AFF3: variants seen among roughly 807,000 people sequenced by gnomAD.
AFF3 encodes the protein ALF transcription elongation factor 3.
Under a neutral mutation model 129.7 loss-of-function variants are expected in AFF3, and 32 were observed. The ratio of observed to expected loss-of-function variants is 0.25; its 90% CI spans 0.19 to 0.33. AFF3 has a LOEUF of 0.33. AFF3 is among the 10% of genes least tolerant of loss of function. AFF3 has a pLI of 1.00. For missense variants in AFF3, 1,373 were observed against 1,592.0 expected, an observed-to-expected ratio of 0.86 and a Z score of 2.34; for synonymous variants, 644 against 635.4, an observed-to-expected ratio of 1.01 and a Z score of -0.20.
intron 10 of AFF3, among the ~76,000 whole-genome samples, chr2:99,737,151 T>C (rs1406957385): frequency 6.6e-6 from 1 of 152,172 alleles, no homozygotes; most frequent in Non-Finnish European, 1.5e-5. Flanking sequence ...TTTATCCTTC[T>C]CCAAAATAAT....
At chr2:100,106,423 G>T in intron 2 of AFF3, 1 of 1,021,446 alleles carries the variant, frequency 9.8e-7, no homozygotes, top group Non-Finnish European at 1.2e-6. Flanking sequence ...AATGCACAGT[G>T]TATTTGGAAA....
At chr2:99,802,505 T>C (rs1686017985) in intron 8 of AFF3, among the ~76,000 whole-genome samples, 1 of 151,876 alleles carries the variant, frequency 6.6e-6, no homozygotes, top group Non-Finnish European at 1.5e-5. Flanking sequence ...TACAAAAAAT[T>C]TTGAAAACTT....
intron 8 of AFF3, among the ~76,000 whole-genome samples, chr2:99,795,509 T>C (rs1558858725): frequency 6.6e-6 from 1 of 151,936 alleles, no homozygotes; most frequent in Non-Finnish European, 1.5e-5. Flanking sequence ...CACAATATAC[T>C]CCCATAACAA....
At chr2:100,055,822 C>G (rs1015916952) in intron 4 of AFF3, among the ~76,000 whole-genome samples, 1 of 152,080 alleles carries the variant, frequency 6.6e-6, no homozygotes, top group African/African-American at 2.4e-5. Context: ...AGCAACAGGC[C>G]ATTTTGCCCC....
At chr2:99,795,456 T>C (rs745564968) in intron 8 of AFF3, among the ~76,000 whole-genome samples, 3 of 152,068 alleles carry the variant, frequency 2.0e-5, no homozygotes, top group Non-Finnish European at 4.4e-5. Flanking sequence ...TAATCTACAT[T>C]ATTCAGATGG....
At chr2:99,651,320 G>A (rs1193100417) in intron 12 of AFF3, among the ~76,000 whole-genome samples, 1 of 152,146 alleles carries the variant, frequency 6.6e-6, no homozygotes, top group African/African-American at 2.4e-5. Context: ...GATGGCACAC[G>A]ATGCTCTCTG....
intron 7 of AFF3, among the ~76,000 whole-genome samples, chr2:99,850,788 G>T (rs1357180799): frequency 1.3e-5 from 2 of 152,090 alleles, no homozygotes; most frequent in African/African-American, 4.8e-5. Context: ...CCCATACAGA[G>T]AATACAAAGA....
chr2:99,690,393 G>A (rs1168651545), intron 11 of AFF3, among the ~76,000 whole-genome samples: 2 of 151,794 alleles, frequency 1.3e-5, no homozygotes, highest in Non-Finnish European at 2.9e-5. Context: ...GTGTTAGCCA[G>A]GATGGTCTCG....
At chr2:100,119,366 T>A (rs1250055891) in intron 2 of AFF3, among the ~76,000 whole-genome samples, 1 of 152,200 alleles carries the variant, frequency 6.6e-6, no homozygotes, top group African/African-American at 2.4e-5. Context: ...CAGGAGACCA[T>A]TCCTGCTAAT....
At chr2:100,142,203 C>T (rs921740474) in intron 1 of AFF3, among the ~76,000 whole-genome samples, 1 of 149,964 alleles carries the variant, frequency 6.7e-6, no homozygotes. Context: ...TTTATGTGCA[C>T]CCTCTACCAC....
intron 7 of AFF3, among the ~76,000 whole-genome samples, chr2:99,861,062 T>C (rs1162084191): frequency 6.6e-6 from 1 of 152,162 alleles, no homozygotes; most frequent in African/African-American, 2.4e-5. Flanking sequence ...TTCTCTCCTT[T>C]GTGGAGAGAA....
intron 13 of AFF3, among the ~76,000 whole-genome samples, chr2:99,611,081 T>C (rs1680874010): frequency 6.6e-6 from 1 of 152,212 alleles, no homozygotes; most frequent in African/African-American, 2.4e-5. Flanking sequence ...CATTCTGCGG[T>C]TGAGCTCATC....
intron 4 of AFF3, among the ~76,000 whole-genome samples, chr2:100,098,881 C>T (rs1478270678): frequency 8.6e-6 from 1 of 115,876 alleles, no homozygotes; most frequent in Non-Finnish European, 1.8e-5. Context: ...TGCAACACTC[C>T]ACTGCTTCCC....
At chr2:99,795,329 T>A (rs1446627645) in intron 8 of AFF3, among the ~76,000 whole-genome samples, 1 of 151,910 alleles carries the variant, frequency 6.6e-6, no homozygotes, top group Non-Finnish European at 1.5e-5. Context: ...AAGTGGGAAC[T>A]AAATAATGTG....
At chr2:100,071,693 G>A (rs1188044757) in intron 4 of AFF3, among the ~76,000 whole-genome samples, 2 of 152,120 alleles carry the variant, frequency 1.3e-5, no homozygotes, top group African/African-American at 4.8e-5. Flanking sequence ...GGAGCTAGAA[G>A]GGGTACCCCT....
chr2:99,606,291 T>C (rs1175050555), intron 13 of AFF3, among the ~76,000 whole-genome samples: 1 of 152,146 alleles, frequency 6.6e-6, no homozygotes, highest in Non-Finnish European at 1.5e-5. Context: ...GTGGATTTTT[T>C]CCTGAAATGA....
chr2:99,809,309 C>T (rs887175923), intron 8 of AFF3, among the ~76,000 whole-genome samples: 1 of 152,214 alleles, frequency 6.6e-6, no homozygotes, highest in Admixed American at 6.5e-5. Flanking sequence ...TACAGAGGCA[C>T]CCAGCTCTCA....
chr2:100,000,510 G>GCA (rs1308316548), intron 7 of AFF3, among the ~76,000 whole-genome samples: 2 of 140,968 alleles, frequency 1.4e-5, no homozygotes, highest in South Asian at 4.2e-4. Flanking sequence ...TCTAGCACGC[G>GCA]CGCACACACA....
chr2:99,884,078 T>C (rs1692924561), intron 7 of AFF3, among the ~76,000 whole-genome samples: 2 of 152,252 alleles, frequency 1.3e-5, no homozygotes, highest in African/African-American at 4.8e-5. Flanking sequence ...ACAGACATCA[T>C]GTTGTAACTA....
Sources: allele counts gnomAD v4.1 joint callset (sites outside exome capture counted in the v4.1 genomes callset), GRCh38; gene constraint gnomAD v4.1.1; transcripts MANE v1.5; gene names NCBI Gene and HGNC (gene_info 2026-07-23, HGNC 2026-07-21).